Variants in POF1B observed in about 807,000 individuals in gnomAD.
POF1B encodes protein POF1B.
A neutral mutation model predicts 55.3 loss-of-function variants in POF1B; 53 were observed. That is an observed-to-expected ratio of 0.96 (90% confidence interval 0.77 to 1.20). The LOEUF is 1.20. Among genes scored for constraint, POF1B ranks in the 50% most tolerant of loss-of-function variants. The pLI is 0.00. For missense variants in POF1B, 478 were observed against 420.5 expected, an observed-to-expected ratio of 1.14 and a Z score of -1.20; for synonymous variants, 188 against 148.3, an observed-to-expected ratio of 1.27 and a Z score of -1.95.
chrX:85,361,530 C>A (rs1933618749), intron 3 of POF1B, among the ~76,000 whole-genome samples: 1 of 110,905 alleles, frequency 9.0e-6, no homozygotes, highest in Non-Finnish European at 1.9e-5. Context: ...AGGTGTGCGG[C>A]CTTTTTTCTG....
chrX:85,372,323 G>A (rs1370481071), intron 2 of POF1B, among the ~76,000 whole-genome samples: 1 of 96,612 alleles, frequency 1.0e-5, no homozygotes, highest in African/African-American at 4.0e-5. Context: ...CAGGCTGGGC[G>A]ACAGAGCGAG....
intron 8 of POF1B, 56 bp downstream of exon 8, chrX:85,315,651 T>C: frequency 1.0e-6 from 1 of 988,181 alleles, no homozygotes; most frequent in Admixed American, 3.3e-5. Context: ...ATTGCAAATA[T>C]CAGAATCTAC....
At chrX:85,335,257 G>C (rs1322468493) in intron 6 of POF1B, among the ~76,000 whole-genome samples, 2 of 111,489 alleles carry the variant, frequency 1.8e-5, no homozygotes, top group African/African-American at 6.5e-5. Context: ...AGATCCAACT[G>C]GGTAGTAAGT....
intron 15 of POF1B, among the ~76,000 whole-genome samples, chrX:85,290,595 T>C (rs1221505721): frequency 8.9e-6 from 1 of 111,947 alleles, no homozygotes; most frequent in Non-Finnish European, 1.9e-5. Context: ...CCCTTTGATC[T>C]GCACCCTCAC....
intron 6 of POF1B, among the ~76,000 whole-genome samples, chrX:85,331,310 T>C (rs1035489906): frequency 3.6e-5 from 4 of 111,227 alleles, no homozygotes; most frequent in African/African-American, 9.8e-5. Flanking sequence ...AAAGCAAAAT[T>C]TGCATAGCAT....
chrX:85,313,944 G>GT (rs1351585229), intron 9 of POF1B, among the ~76,000 whole-genome samples: 122 of 109,970 alleles, frequency 1.1e-3, no homozygotes, highest in Admixed American at 2.7e-3. Flanking sequence ...GTTTCTAGGA[G>GT]TTTTTCCATT....
At chrX:85,297,674 G>A (rs1300241188) in intron 15 of POF1B, among the ~76,000 whole-genome samples, 1 of 105,716 alleles carries the variant, frequency 9.5e-6, no homozygotes, top group Non-Finnish European at 2.0e-5. Flanking sequence ...GTGGTACTCT[G>A]TGGGGACCAG....
intron 2 of POF1B, among the ~76,000 whole-genome samples, 166 bp from the exon 3 acceptor site, chrX:85,367,932 T>A (rs1933756469): frequency 8.9e-6 from 1 of 111,956 alleles, no homozygotes; most frequent in Non-Finnish European, 1.9e-5. Context: ...TACTTTGTTG[T>A]CTTCTCACAT....
At chrX:85,287,800 T>C (rs1240902420) in intron 15 of POF1B, among the ~76,000 whole-genome samples, 1 of 111,710 alleles carries the variant, frequency 9.0e-6, no homozygotes, top group African/African-American at 3.2e-5. Context: ...AAGAAATGTA[T>C]AGGCTAATAT....
intron 9 of POF1B, among the ~76,000 whole-genome samples, chrX:85,308,565 A>G (rs1216863724): frequency 2.7e-5 from 3 of 112,035 alleles, no homozygotes; most frequent in Non-Finnish European, 5.6e-5. Flanking sequence ...AATAAAATGA[A>G]TCTCCCTAAG....
intron 2 of POF1B, among the ~76,000 whole-genome samples, chrX:85,374,430 G>A (rs1461487373): frequency 8.9e-6 from 1 of 112,187 alleles, no homozygotes; most frequent in Non-Finnish European, 1.9e-5. Context: ...TGAAGGTAAT[G>A]AGAATTAAAT....
intron 9 of POF1B, among the ~76,000 whole-genome samples, chrX:85,309,828 G>C (rs1406670192): frequency 1.8e-5 from 2 of 111,766 alleles, no homozygotes; most frequent in Non-Finnish European, 3.8e-5. Context: ...CACTGGGATG[G>C]TGTCAGAAAA....
intron 15 of POF1B, among the ~76,000 whole-genome samples, chrX:85,299,830 C>T (rs1260339612): frequency 1.8e-5 from 2 of 112,311 alleles, no homozygotes; most frequent in African/African-American, 6.5e-5. Context: ...TGGGTAAAAC[C>T]CAGGAGCCTG....
At chrX:85,290,895 T>C (rs1233239536) in intron 15 of POF1B, among the ~76,000 whole-genome samples, 3 of 112,182 alleles carry the variant, frequency 2.7e-5, no homozygotes, top group Admixed American at 9.5e-5. Context: ...GTCTGTTTAC[T>C]CCCTTGATAT....
chrX:85,355,041 T>C (rs1221304191), intron 4 of POF1B, among the ~76,000 whole-genome samples: 1 of 111,449 alleles, frequency 9.0e-6, no homozygotes, highest in Non-Finnish European at 1.9e-5. Flanking sequence ...GGCATCACAC[T>C]ACCTGACTTC....
chrX:85,279,388 G>C lies in POF1B; in HGVS notation c.*33C>G, dbSNP rs1269869618. 1 of 1,168,302 alleles carries C rather than the reference G, an allele frequency of 8.6e-7. No individual in the cohort carries two copies. The highest frequency in any genetic ancestry group is 1.8e-5 in the African/African-American group (1 of 55,503). ...GAGACACACACACAAAAAAAAAACGGCTTTGAGTTGTAATACTTTAAAGTG... is the reference window on the plus strand; with the variant it reads ...GAGACACACACACAAAAAAAAAACGCCTTTGAGTTGTAATACTTTAAAGTG... On this transcript the variant is annotated 3_prime_UTR_variant, in exon 17 of 17. Coordinates refer to ENST00000262753, the MANE Select transcript of POF1B (RefSeq NM_024921.4).
At chrX:85,309,091 T>C (rs1487470105) in intron 9 of POF1B, among the ~76,000 whole-genome samples, 1 of 111,330 alleles carries the variant, frequency 9.0e-6, no homozygotes, top group Non-Finnish European at 1.9e-5. Context: ...GGAGTAAAAA[T>C]ACTTTCCACA....
chrX:85,280,979 A>G (rs938112371), intron 16 of POF1B, among the ~76,000 whole-genome samples: 2 of 110,695 alleles, frequency 1.8e-5, no homozygotes, highest in African/African-American at 6.6e-5. Context: ...CTAGATGCCA[A>G]TAACACCCAC....
intron 10 of POF1B, among the ~76,000 whole-genome samples, chrX:85,307,786 C>T (rs1603034659): frequency 9.0e-6 from 1 of 111,381 alleles, no homozygotes; most frequent in East Asian, 2.8e-4. Flanking sequence ...AATGGAAATT[C>T]AGAGTATGCT....
Sources: allele counts gnomAD v4.1 joint callset (sites outside exome capture counted in the v4.1 genomes callset), GRCh38; gene constraint gnomAD v4.1.1; transcripts MANE v1.5; gene names NCBI Gene and HGNC (gene_info 2026-07-23, HGNC 2026-07-21).